DLGAP1: variants seen among roughly 807,000 people sequenced by gnomAD.
The protein encoded by DLGAP1 is DLG associated protein 1.
A neutral mutation model predicts 90.8 loss-of-function variants in DLGAP1; 11 were observed. That is an observed-to-expected ratio of 0.12 (90% CI 0.08 to 0.20). The LOEUF is 0.20. DLGAP1 is among the 10% of genes least tolerant of loss of function. The pLI is 1.00. For synonymous variants in DLGAP1, 558 were observed against 540.7 expected, an observed-to-expected ratio of 1.03 and a Z score of -0.44; for missense variants, 1,050 against 1,333.8, an observed-to-expected ratio of 0.79 and a Z score of 3.31.
chr18:3,619,801 T>G (rs182838396), intron 7 of DLGAP1, among the ~76,000 whole-genome samples: 79 of 120,800 alleles, frequency 6.5e-4, no homozygotes, highest in Middle Eastern at 4.3e-3. Flanking sequence ...CCGGAGTTGG[T>G]TTTTTTTTGT....
At chr18:3,719,424 G>A (rs767234297) in intron 7 of DLGAP1, among the ~76,000 whole-genome samples, 20 of 151,954 alleles carry the variant, frequency 1.3e-4, no homozygotes, top group South Asian at 4.2e-4. Flanking sequence ...CGGGTGTGGT[G>A]GCGGGCACCT....
intron 10 of DLGAP1, among the ~76,000 whole-genome samples, chr18:3,525,099 A>C (rs536149066): frequency 3.6e-5 from 5 of 139,324 alleles, no homozygotes; most frequent in Middle Eastern, 3.6e-3. Flanking sequence ...GGAAAAAAAA[A>C]AAAATCAACA....
Position 3,884,773 on chromosome 18 carries a change from C to T in DLGAP1, c.-72-4633G>A, listed in dbSNP as rs1484858935. On this transcript the variant is annotated intron_variant, in intron 3 of 12. Transcript: ENST00000315677. ...TTTCTTGGAGGGTAACAAATTGCAT[C>T]CAGAATAAATAAGCTAACATTCCTC... 1.3e-5 allele frequency among the ~76,000 whole-genome samples: 2 copies of T among 152,108 alleles called. 1 individual carries two copies. The highest frequency in any genetic ancestry group is 3.8e-4 in the East Asian group (2 of 5,200).
In DLGAP1 at chr18:4,323,736, A is replaced by G. The variant is rs2080751810; in HGVS notation, c.-267+131270T>C. The stretch of plus-strand genomic sequence containing the variant: ...CTTAAAAAATCACTCAAACCATAAA[A>G]TTACATGGAAATTAAACAAGCTGCT... On this transcript the variant is annotated intron_variant, in intron 1 of 12. Transcript: ENST00000315677. 2.0e-5 allele frequency among the ~76,000 whole-genome samples: 3 copies of G among 152,176 alleles called. No homozygotes were observed. In the South Asian group the frequency reaches 6.2e-4, roughly 32 times the overall value.
intron 5 of DLGAP1, among the ~76,000 whole-genome samples, chr18:3,752,633 C>A (rs924656327): frequency 1.4e-5 from 2 of 144,628 alleles, no homozygotes; most frequent in African/African-American, 2.6e-5. Flanking sequence ...CCCCTCCCCA[C>A]CCCCCTCTCT....
At chr18:4,247,511 C>T (rs545573200) in intron 1 of DLGAP1, among the ~76,000 whole-genome samples, 1 of 152,120 alleles carries the variant, frequency 6.6e-6, no homozygotes, top group Non-Finnish European at 1.5e-5. Context: ...TGCAGTGGCT[C>T]ACACCTGTAA....
At chr18:3,717,993 G>C (rs1385342913) in intron 7 of DLGAP1, among the ~76,000 whole-genome samples, 1 of 152,144 alleles carries the variant, frequency 6.6e-6, no homozygotes, top group Non-Finnish European at 1.5e-5. Context: ...AAGTGTTATG[G>C]GCTTTTGGAT....
At chr18:4,321,968 G>T (rs35262908) in intron 1 of DLGAP1, among the ~76,000 whole-genome samples, 1 of 151,352 alleles carries the variant, frequency 6.6e-6, no homozygotes, top group Non-Finnish European at 1.5e-5. Flanking sequence ...GAGGCCTAGG[G>T]GGGTGGATCA....
intron 2 of DLGAP1, among the ~76,000 whole-genome samples, chr18:4,150,535 C>T (rs941993251): frequency 6.6e-6 from 1 of 152,078 alleles, no homozygotes; most frequent in Admixed American, 6.5e-5. Flanking sequence ...GGATTACAGG[C>T]ACCTGCCACT....
rs1301268110 is a variant in DLGAP1 at position 3,959,341 on chromosome 18, T to C, written c.-73+45775A>G. 2.0e-5 allele frequency among the ~76,000 whole-genome samples: 3 copies of C among 152,174 alleles called. No homozygotes were observed. In the East Asian group the frequency reaches 5.8e-4, roughly 29 times the overall value. On this transcript the variant is annotated intron_variant, in intron 3 of 12. Coordinates refer to ENST00000315677, the MANE Select transcript of DLGAP1 (RefSeq NM_004746.4). ...AGTTTTTCTTCAAACCTATTAGACTTTCTTGTGGTTTAGACCAGAGCTCTT... is the reference window on the plus strand; with the variant it reads ...AGTTTTTCTTCAAACCTATTAGACTCTCTTGTGGTTTAGACCAGAGCTCTT...
At chr18:4,186,675 G>A (rs2077301267) in intron 1 of DLGAP1, among the ~76,000 whole-genome samples, 2 of 152,186 alleles carry the variant, frequency 1.3e-5, no homozygotes, top group Non-Finnish European at 2.9e-5. Flanking sequence ...TTTGGTTACT[G>A]TAGCCCTGTG....
At chr18:4,259,863 A>T (rs1233161980) in intron 1 of DLGAP1, among the ~76,000 whole-genome samples, 3 of 152,214 alleles carry the variant, frequency 2.0e-5, no homozygotes, top group African/African-American at 7.2e-5. Flanking sequence ...TCTAATGTCC[A>T]TCAGAATAAT....
chr18:4,388,066 C>T (rs534494895), intron 1 of DLGAP1, among the ~76,000 whole-genome samples: 6 of 151,916 alleles, frequency 3.9e-5, no homozygotes, highest in Admixed American at 1.3e-4. Context: ...GGGGAAGAAT[C>T]GGGGTCAGCA....
At position 3,977,143 on chromosome 18, in the gene DLGAP1, C is replaced by T. The variant is rs529919705; in HGVS notation, c.-73+27973G>A. On this transcript the variant is annotated intron_variant, in intron 3 of 12. Coordinates refer to ENST00000315677, the MANE Select transcript of DLGAP1 (RefSeq NM_004746.4). ...AGGCTAGAGTGCAGTGGTGCCATCT[C>T]GGCTCACTGCAACCTCTGCCTCCCA... Among the ~76,000 whole-genome samples, 72 of 152,192 alleles carry T rather than the reference C, an allele frequency of 4.7e-4. 1 individual carries two copies. Among genetic ancestry groups the T allele is most frequent in the Middle Eastern group, 3.4e-3 (1 of 294 alleles).
At chr18:4,282,617 T>A (rs776656090) in intron 1 of DLGAP1, among the ~76,000 whole-genome samples, 17 of 152,164 alleles carry the variant, frequency 1.1e-4, no homozygotes, top group Non-Finnish European at 2.2e-4. Flanking sequence ...AATAATGAAA[T>A]GCTTTAGATC....
intron 4 of DLGAP1, chr18:3,845,636 T>A (rs773364776): frequency 4.1e-6 from 4 of 983,784 alleles, no homozygotes; most frequent in Non-Finnish European, 4.8e-6. Context: ...TTCTGGGCTA[T>A]TGATCACTTT....
At chr18:3,976,191 C>CAATAATAAT (rs71160926) in intron 3 of DLGAP1, among the ~76,000 whole-genome samples, 9,515 of 132,662 alleles carry the variant, frequency 0.072, 572 homozygotes, top group East Asian at 0.32. Flanking sequence ...ACTAAAAATA[C>CAATAATAAT]AATAATAATA....
intron 5 of DLGAP1, chr18:3,774,065 G>C (rs2064825240): frequency 6.6e-6 from 1 of 152,116 alleles, no homozygotes; most frequent in Non-Finnish European, 1.5e-5. Context: ...ATAATTTTCA[G>C]CTGCTCTCTG....
intron 2 of DLGAP1, among the ~76,000 whole-genome samples, chr18:4,099,659 G>A (rs2075747308): frequency 6.6e-6 from 1 of 151,522 alleles, no homozygotes; most frequent in Admixed American, 6.6e-5. Context: ...GGTGGTGGTT[G>A]CTGAAGGTTG....
Sources: allele counts gnomAD v4.1 joint callset (sites outside exome capture counted in the v4.1 genomes callset), GRCh38; gene constraint gnomAD v4.1.1; transcripts MANE v1.5; gene names NCBI Gene and HGNC (gene_info 2026-07-23, HGNC 2026-07-21).